Variants in FILIP1 observed in about 807,000 individuals in gnomAD.
The protein encoded by FILIP1 is filamin-A-interacting protein 1.
A neutral mutation model predicts 102.1 loss-of-function variants in FILIP1; 61 were observed. The observed-to-expected ratio is 0.60, with a 90% CI of 0.49 to 0.74. FILIP1 has a LOEUF of 0.74. Among genes scored for constraint, FILIP1 ranks in the 30% least tolerant of loss-of-function variants. FILIP1 has a pLI of 0.00. For synonymous variants in FILIP1, 491 were observed against 526.9 expected (o/e 0.93, Z 0.93); for missense variants, 1,314 against 1,441.2 (o/e 0.91, Z 1.43).
At chr6:75,432,685 TA>T (rs1417262806) in intron 1 of FILIP1, among the ~76,000 whole-genome samples, 21 of 152,286 alleles carry the variant, frequency 1.4e-4, no homozygotes, top group African/African-American at 4.8e-4. Context: ...TTATTATTTT[TA>T]TTTTTTTTAT....
At chr6:75,468,600 T>C (rs202060972) in intron 1 of FILIP1, among the ~76,000 whole-genome samples, 1 of 152,116 alleles carries the variant, frequency 6.6e-6, no homozygotes, top group East Asian at 1.9e-4. Context: ...TGAACAGATA[T>C]AAAGTATAAA....
chr6:75,295,776 A>T, exon 7 of FILIP1: 6 of 510,966 alleles, frequency 1.2e-5, no homozygotes, highest in Non-Finnish European at 1.8e-5. Context: ...TCCTTAAAAA[A>T]AAATCACTGG....
intron 2 of FILIP1, among the ~76,000 whole-genome samples, chr6:75,411,240 T>C (rs1777057879): frequency 1.3e-5 from 2 of 152,238 alleles, no homozygotes. Flanking sequence ...TGTCTGTTCA[T>C]ATCTTTTGCC....
At chr6:75,374,823 C>G (rs1401485077) in intron 2 of FILIP1, among the ~76,000 whole-genome samples, 1 of 152,204 alleles carries the variant, frequency 6.6e-6, no homozygotes, top group Admixed American at 6.5e-5. Flanking sequence ...CAGGACAAAT[C>G]AAGCATCTCT....
chr6:75,302,753 T>C (rs927005578), intron 6 of FILIP1, among the ~76,000 whole-genome samples: 2 of 152,086 alleles, frequency 1.3e-5, no homozygotes, highest in African/African-American at 2.4e-5. Flanking sequence ...GTACATAGCA[T>C]TGTGTTCTAT....
intron 2 of FILIP1, among the ~76,000 whole-genome samples, chr6:75,382,686 A>G (rs1488898568): frequency 6.6e-6 from 1 of 152,222 alleles, no homozygotes; most frequent in African/African-American, 2.4e-5. Context: ...CACAAGGAAG[A>G]CCTTCGGTTC....
chr6:75,474,036 T>A (rs1434229732), intron 1 of FILIP1: 1 of 152,084 alleles, frequency 6.6e-6, no homozygotes, highest in African/African-American at 2.4e-5. Flanking sequence ...TATTTCGAAA[T>A]AGCTTCAGCT....
intron 2 of FILIP1, among the ~76,000 whole-genome samples, chr6:75,389,366 T>G (rs1776207868): frequency 6.6e-6 from 1 of 152,214 alleles, no homozygotes; most frequent in Non-Finnish European, 1.5e-5. Flanking sequence ...GGTTTTGTTA[T>G]CAGAATGATG....
intron 1 of FILIP1, among the ~76,000 whole-genome samples, chr6:75,446,811 C>T (rs1778456390): frequency 6.6e-6 from 1 of 152,128 alleles, no homozygotes; most frequent in African/African-American, 2.4e-5. Context: ...GCACAACGTT[C>T]CAACAGTTCT....
intron 1 of FILIP1, among the ~76,000 whole-genome samples, chr6:75,420,774 T>A (rs182027942): frequency 6.6e-6 from 1 of 152,204 alleles, no homozygotes. Flanking sequence ...CATTTGCTTG[T>A]TCTCTGTATT....
Position 75,308,623 on chromosome 6 carries a change from A to G in FILIP1, c.*68T>C. On this transcript the variant is annotated 3_prime_UTR_variant, in exon 6 of 6. Coordinates refer to ENST00000237172, the MANE Select transcript of FILIP1 (RefSeq NM_015687.5). ...ATTAGTACATGTAAAGAACTGGCACAAACAGATGAAGGTTCACTTTCACGG... is the reference window on the plus strand; with the variant it reads ...ATTAGTACATGTAAAGAACTGGCACGAACAGATGAAGGTTCACTTTCACGG... 3 of 1,597,458 alleles carry G rather than the reference A, an allele frequency of 1.9e-6. No individual in the cohort carries two copies. Among genetic ancestry groups the G allele is most frequent in the Non-Finnish European group, 2.6e-6 (3 of 1,171,058 alleles).
chr6:75,323,291 T>C (rs1257256075), intron 4 of FILIP1, among the ~76,000 whole-genome samples: 3 of 152,214 alleles, frequency 2.0e-5, no homozygotes, highest in Admixed American at 1.3e-4. Context: ...TGATTGTTGA[T>C]GGTGCATACA....
chr6:75,470,905 A>G (rs1779306987), intron 1 of FILIP1, among the ~76,000 whole-genome samples: 1 of 152,146 alleles, frequency 6.6e-6, no homozygotes, highest in Admixed American at 6.5e-5. Flanking sequence ...TCACGTCTGT[A>G]ATCTCGGCAC....
chr6:75,446,950 G>T (rs979541222), intron 1 of FILIP1, among the ~76,000 whole-genome samples: 1 of 152,138 alleles, frequency 6.6e-6, no homozygotes, highest in East Asian at 1.9e-4. Context: ...TCTCTTTTTG[G>T]TTTTTTAAAT....
At chr6:75,363,762 A>G (rs1486811163) in intron 2 of FILIP1, among the ~76,000 whole-genome samples, 3 of 152,186 alleles carry the variant, frequency 2.0e-5, no homozygotes, top group African/African-American at 7.2e-5. Flanking sequence ...ATGTATTTCC[A>G]TATGGGGACA....
rs1562679075 is a variant in FILIP1, at chr6:75,493,458, A to C, written c.-51T>G. On this transcript the variant is annotated 5_prime_UTR_variant, in exon 1 of 6. Coordinates refer to ENST00000237172, the MANE Select transcript of FILIP1 (RefSeq NM_015687.5). ...CCAAAGGTATGTCCTCTATGTAGGT[A>C]GTTTATCCTTTGAAGAACCCAGTGG... is the stretch of plus-strand genomic sequence containing the variant. 6.6e-6 allele frequency: 1 copy of C among 152,202 alleles called. No individual in the cohort carries two copies. Among genetic ancestry groups the C allele is most frequent in the Non-Finnish European group, 1.5e-5 (1 of 68,030 alleles). The allele number at this position is 152,202 out of a possible 1,614,324, so 9.4% of individuals were successfully genotyped here.
chr6:75,372,654 A>AAAGAAAG (rs1491399911), intron 2 of FILIP1, among the ~76,000 whole-genome samples: 1 of 66,844 alleles, frequency 1.5e-5, no homozygotes, highest in Non-Finnish European at 2.8e-5. Flanking sequence ...AGAAAGAAAG[A>AAAGAAAG]AAGAAAGAAA....
chr6:75,490,174 A>G (rs1390600310), intron 1 of FILIP1, among the ~76,000 whole-genome samples: 1 of 152,150 alleles, frequency 6.6e-6, no homozygotes, highest in East Asian at 1.9e-4. Context: ...TTATAACCAC[A>G]AGGAAACCGG....
intron 2 of FILIP1, among the ~76,000 whole-genome samples, chr6:75,410,432 A>T (rs1469289088): frequency 6.7e-6 from 1 of 149,978 alleles, no homozygotes; most frequent in African/African-American, 2.5e-5. Flanking sequence ...AAGTTCTGGG[A>T]TATATTTGCA....
Sources: allele counts gnomAD v4.1 joint callset (sites outside exome capture counted in the v4.1 genomes callset), GRCh38; gene constraint gnomAD v4.1.1; transcripts MANE v1.5; gene names NCBI Gene and HGNC (gene_info 2026-07-23, HGNC 2026-07-21).